The following MON2 variants were observed in gnomAD, a reference collection of about 807,000 sequenced individuals.
MON2 encodes the protein MON2 regulator of endosome-to-Golgi trafficking.
In MON2, 84 loss-of-function variants were observed where a neutral mutation model predicts 208.6. The observed-to-expected ratio is 0.40, with a 90% CI of 0.34 to 0.48. The LOEUF (loss-of-function observed/expected upper bound fraction) is 0.48, where lower values mean the gene tolerates loss of function less well. Among genes scored for constraint, MON2 ranks in the 20% least tolerant of loss-of-function variants. The pLI, the probability that MON2 is intolerant of heterozygous loss-of-function variation, is 0.59. For missense variants in MON2, 1,611 were observed against 2,015.4 expected (o/e 0.80, Z 3.84); for synonymous variants, 660 against 694.0 (o/e 0.95, Z 0.77).
At chr12:62,555,297 A>T (rs774052059) in intron 24 of MON2, among the ~76,000 whole-genome samples, 1 of 151,626 alleles carries the variant, frequency 6.6e-6, no homozygotes, top group Non-Finnish European at 1.5e-5. Flanking sequence ...CTCCCACCTC[A>T]GCCTCCCAAG....
intron 30 of MON2, among the ~76,000 whole-genome samples, chr12:62,572,732 G>A (rs1435287242): frequency 6.6e-6 from 1 of 152,166 alleles, no homozygotes; most frequent in African/African-American, 2.4e-5. Flanking sequence ...TTACAGGCAT[G>A]AGCCACTGTG....
intron 34 of MON2, among the ~76,000 whole-genome samples, chr12:62,590,921 C>T (rs1410116792): frequency 1.3e-5 from 2 of 152,238 alleles, no homozygotes; most frequent in African/African-American, 4.8e-5. Flanking sequence ...TCCCAAAGTG[C>T]TGGAATTACA....
rs2073382030 is a variant in MON2, at chr12:62,544,340, G to A, written c.2467-558G>A. On this transcript the variant is annotated intron_variant, in intron 20 of 34. Coordinates refer to ENST00000393630, the MANE Select transcript of MON2 (RefSeq NM_015026.3). ...ATATGCTTGTGGTTCTAACTACTTG[G>A]GAGGCTGAATGGGGAGAATTGCTTG... 2.0e-5 allele frequency among the ~76,000 whole-genome samples: 3 copies of A among 152,212 alleles called. No individual in the cohort carries two copies. The South Asian group carries it at 6.2e-4, about 32-fold the overall frequency.
At chr12:62,523,976 T>C (rs1356135669) in intron 8 of MON2, among the ~76,000 whole-genome samples, 2 of 152,156 alleles carry the variant, frequency 1.3e-5, no homozygotes, top group Non-Finnish European at 2.9e-5. Context: ...ACAGTAATGA[T>C]AATTAATACT....
At chr12:62,487,677 T>G (rs2069880206) in intron 2 of MON2, among the ~76,000 whole-genome samples, 1 of 151,642 alleles carries the variant, frequency 6.6e-6, no homozygotes, top group Non-Finnish European at 1.5e-5. Context: ...TACATTTATA[T>G]TTATATATTT....
intron 29 of MON2, among the ~76,000 whole-genome samples, chr12:62,568,750 T>C (rs996751471): frequency 2.0e-5 from 3 of 152,070 alleles, no homozygotes; most frequent in Admixed American, 6.6e-5. Flanking sequence ...CCTCCCGGGT[T>C]CAAGCAGTTC....
In MON2 at chr12:62,484,167, C is replaced by T; in HGVS notation, c.112-3C>T. The stretch of plus-strand genomic sequence containing the variant: ...TGTGTTCTAATTATTTTTATTCTTG[C>T]AGGCTGCTGAATCAGGAATAATAAA... On this transcript the variant is annotated splice_polypyrimidine_tract_variant and splice_region_variant and intron_variant, in intron 1 of 34. Coordinates refer to ENST00000393630, the MANE Select transcript of MON2 (RefSeq NM_015026.3). 6.3e-7 allele frequency: 1 copy of T among 1,585,356 alleles called. No homozygotes were observed. The highest frequency in any genetic ancestry group is 1.2e-5 in the South Asian group (1 of 85,158).
intron 5 of MON2, 127 bp from the exon 6 acceptor site, chr12:62,500,656 T>A: frequency 1.9e-6 from 1 of 540,272 alleles, no homozygotes; most frequent in Non-Finnish European, 3.2e-6. Flanking sequence ...TTGGAAATTT[T>A]AATTCTGAAA....
intron 8 of MON2, among the ~76,000 whole-genome samples, chr12:62,511,948 A>G (rs1329076468): frequency 1.3e-5 from 2 of 152,162 alleles, no homozygotes. Context: ...TGAAAGGCAC[A>G]TCTCACATGG....
At chr12:62,564,592 T>G (rs925034267) in intron 26 of MON2, among the ~76,000 whole-genome samples, 3 of 152,096 alleles carry the variant, frequency 2.0e-5, no homozygotes, top group Non-Finnish European at 4.4e-5. Flanking sequence ...CCTATCAAAT[T>G]ATTTGAAGTA....
At chr12:62,477,599 T>A (rs982050630) in intron 1 of MON2, among the ~76,000 whole-genome samples, 5 of 115,434 alleles carry the variant, frequency 4.3e-5, no homozygotes. Flanking sequence ...TTTTTTTTTT[T>A]AGAGACAGCA....
Position 62,561,011 on chromosome 12 carries a change from A to G in MON2, c.3930A>G (p.Pro1310=), listed in dbSNP as rs1413998557. Residue 1310 remains proline (P), a synonymous_variant, in exon 26 of 35, where the codon CCA becomes CCG. Transcript: ENST00000393630. ...TATTGCACAGTGCTATTTCAGTCCC[A>G]ATAAGTTCAGATGCATCCCCTTTTA... ...GVILHSAISV[P]ISSDASPFIL... 2.5e-6 allele frequency: 4 copies of G among 1,613,766 alleles called. No homozygotes were observed. Among genetic ancestry groups the G allele is most frequent in the Non-Finnish European group, 3.4e-6 (4 of 1,179,810 alleles).
chr12:62,555,931 C>T, intron 24 of MON2, 63 bp from the exon 25 acceptor site: 2 of 1,212,498 alleles, frequency 1.6e-6, no homozygotes, highest in Admixed American at 2.0e-5. Context: ...TGCTGTTGCT[C>T]CTATGCTATT....
At chr12:62,501,544 A>T (rs770155806) in intron 6 of MON2, 29 bp from the exon 7 acceptor site, 3 of 1,609,586 alleles carry the variant, frequency 1.9e-6, no homozygotes. Flanking sequence ...TAATTCTAGC[A>T]TGTGAAATTG....
At chr12:62,583,838 T>C (rs2075093386) in intron 32 of MON2, among the ~76,000 whole-genome samples, 1 of 150,310 alleles carries the variant, frequency 6.7e-6, no homozygotes, top group East Asian at 2.0e-4. Context: ...TGCGTGCCTG[T>C]AATCCCAGCT....
At chr12:62,509,116 C>CTTTTTTT (rs554355044) in intron 8 of MON2, 1 of 137,512 alleles carries the variant, frequency 7.3e-6, no homozygotes, top group Non-Finnish European at 1.6e-5. Context: ...TCTTCTTCTT[C>CTTTTTTT]TTTTTTTTTT....
At chr12:62,495,961 TA>T (rs2070456454) in intron 4 of MON2, among the ~76,000 whole-genome samples, 1 of 152,110 alleles carries the variant, frequency 6.6e-6, no homozygotes, top group African/African-American at 2.4e-5. Context: ...AAAAGTTTTT[TA>T]TTATGAAATA....
chr12:62,491,086 T>G (rs2070104566), intron 2 of MON2, among the ~76,000 whole-genome samples: 1 of 152,218 alleles, frequency 6.6e-6, no homozygotes, highest in Non-Finnish European at 1.5e-5. Context: ...TTCATGTTAT[T>G]ATCACATCAG....
At chr12:62,546,690 G>GTTGCAGTGAGTCAAGA (rs2073500634) in intron 21 of MON2, among the ~76,000 whole-genome samples, 1 of 152,158 alleles carries the variant, frequency 6.6e-6, no homozygotes, top group African/African-American at 2.4e-5. Context: ...GGAGACGGAG[G>GTTGCAGTGAGTCAAGA]TTGCAGTGAG....
Sources: gnomAD v4.1 joint callset for allele counts (sites outside exome capture counted in the v4.1 genomes callset) on GRCh38, gnomAD v4.1.1 for gene constraint, MANE v1.5 for transcripts, NCBI Gene and HGNC (gene_info 2026-07-23, HGNC 2026-07-21) for gene names.